Variants in GRAMD1B observed in about 807,000 individuals in gnomAD.
GRAMD1B encodes the protein GRAM domain containing 1B, also known as protein Aster-B.
A neutral mutation model predicts 99.7 loss-of-function variants in GRAMD1B; 37 were observed. The ratio of observed to expected loss-of-function variants is 0.37; its 90% CI spans 0.29 to 0.49. The LOEUF (loss-of-function observed/expected upper bound fraction) is 0.49, where lower values mean the gene tolerates loss of function less well. Ranked by LOEUF, GRAMD1B falls within the 20% of genes least tolerant of loss-of-function variation. GRAMD1B has a pLI of 0.98. For synonymous variants in GRAMD1B, 427 were observed against 387.6 expected (o/e 1.10, Z -1.19); for missense variants, 888 against 1,009.2 (o/e 0.88, Z 1.63).
At chr11:123,398,907 A>G (rs1947560043) in intron 1 of GRAMD1B, among the ~76,000 whole-genome samples, 1 of 152,046 alleles carries the variant, frequency 6.6e-6, no homozygotes, top group South Asian at 2.1e-4. Context: ...CCTCCCACCC[A>G]CTTTTATTAT....
chr11:123,559,543 A>G, intron 2 of GRAMD1B: 1 of 240,358 alleles, frequency 4.2e-6, no homozygotes, highest in Non-Finnish European at 6.7e-6. Context: ...TCGTTGCTGA[A>G]TAGAATACCT....
At chr11:123,388,843 C>T (rs961607553) in intron 1 of GRAMD1B, among the ~76,000 whole-genome samples, 8 of 152,210 alleles carry the variant, frequency 5.3e-5, no homozygotes, top group African/African-American at 1.9e-4. Context: ...CTTGGACTTC[C>T]TGGCCTCCGG....
chr11:123,600,592 C>T (rs1951826738), intron 8 of GRAMD1B, 44 bp downstream of exon 8: 1 of 1,228,936 alleles, frequency 8.1e-7, no homozygotes, highest in Non-Finnish European at 1.2e-6. Flanking sequence ...CTGGCTATCT[C>T]TAGAGAAGCC....
intron 2 of GRAMD1B, among the ~76,000 whole-genome samples, chr11:123,488,226 G>A (rs909136613): frequency 3.3e-5 from 5 of 152,144 alleles, no homozygotes; most frequent in African/African-American, 7.2e-5. Flanking sequence ...TTGCACTGGA[G>A]GTTAGGATTT....
chr11:123,526,069 T>C, intron 2 of GRAMD1B: 1 of 1,251,116 alleles, frequency 8.0e-7, no homozygotes, highest in Non-Finnish European at 1.2e-6. Context: ...CTTCGTCATC[T>C]TTTCCAATAT....
At chr11:123,472,845 T>C (rs948688518) in intron 1 of GRAMD1B, among the ~76,000 whole-genome samples, 2 of 152,206 alleles carry the variant, frequency 1.3e-5, no homozygotes, top group African/African-American at 4.8e-5. Flanking sequence ...GAAGGGAAGA[T>C]GGAGCCACCA....
At chr11:123,576,993 A>C (rs1370259743) in intron 2 of GRAMD1B, among the ~76,000 whole-genome samples, 2 of 152,276 alleles carry the variant, frequency 1.3e-5, no homozygotes, top group African/African-American at 4.8e-5. Flanking sequence ...AAATGAGCTG[A>C]TTGTATTGGA....
intron 4 of GRAMD1B, among the ~76,000 whole-genome samples, chr11:123,590,310 G>A (rs964238215): frequency 6.6e-6 from 1 of 152,178 alleles, no homozygotes; most frequent in Non-Finnish European, 1.5e-5. Flanking sequence ...GGAAGTTGGC[G>A]GATGGATGGG....
chr11:123,440,226 C>T (rs1001854887), intron 1 of GRAMD1B, among the ~76,000 whole-genome samples: 7 of 152,166 alleles, frequency 4.6e-5, no homozygotes, highest in East Asian at 1.9e-4. Flanking sequence ...TAAAAGTCAA[C>T]GCGGCCAGAT....
At chr11:123,532,637 C>G (rs1444725252) in intron 2 of GRAMD1B, among the ~76,000 whole-genome samples, 1 of 152,202 alleles carries the variant, frequency 6.6e-6, no homozygotes, top group Admixed American at 6.5e-5. Flanking sequence ...TTTGACACAC[C>G]ATAGCCAACA....
chr11:123,549,607 T>C (rs1256042815), intron 2 of GRAMD1B, among the ~76,000 whole-genome samples: 6 of 152,118 alleles, frequency 3.9e-5, no homozygotes, highest in African/African-American at 1.2e-4. Context: ...CTAAGTCATC[T>C]TAGACCAACT....
chr11:123,606,902 G>C, intron 11 of GRAMD1B, 104 bp downstream of exon 11: 1 of 837,174 alleles, frequency 1.2e-6, no homozygotes, highest in Non-Finnish European at 1.9e-6. Flanking sequence ...TCCTGGTGGA[G>C]AGATGGGAGC....
chr11:123,448,245 T>A (rs1396942681), intron 1 of GRAMD1B, among the ~76,000 whole-genome samples: 1 of 150,834 alleles, frequency 6.6e-6, no homozygotes, highest in Non-Finnish European at 1.5e-5. Context: ...ACCCTCCCCC[T>A]TGTACTATTT....
intron 1 of GRAMD1B, among the ~76,000 whole-genome samples, chr11:123,373,185 CT>C (rs1384735992): frequency 6.6e-6 from 1 of 151,962 alleles, no homozygotes; most frequent in African/African-American, 2.4e-5. Flanking sequence ...TAATTGAGAG[CT>C]TTTTTTACCC....
chr11:123,611,289 G>A (rs1048654009), intron 14 of GRAMD1B, among the ~76,000 whole-genome samples: 9 of 151,986 alleles, frequency 5.9e-5, no homozygotes, highest in East Asian at 1.9e-4. Context: ...ATAAAAGTTC[G>A]CCAGGAGTGG....
At position 123,530,243 on chromosome 11, in the gene GRAMD1B, G is replaced by T. The variant is rs528511338; in HGVS notation, c.453-47124G>T. Among the ~76,000 whole-genome samples, 3 of 151,328 alleles carry T rather than the reference G, an allele frequency of 2.0e-5. No individual in the cohort carries two copies. The South Asian group carries it at 6.3e-4, about 32-fold the overall frequency. ...TCTCCATATTTCATGACCATTAATG[G>T]TCAACAATATTTTATTTGATAGTAA... On this transcript the variant is annotated intron_variant, in intron 2 of 19. Coordinates refer to ENST00000635736, the MANE Select transcript of GRAMD1B (RefSeq NM_001387025.1).
chr11:123,450,661 C>T (rs781304499), intron 1 of GRAMD1B, among the ~76,000 whole-genome samples: 5 of 152,076 alleles, frequency 3.3e-5, no homozygotes, highest in Non-Finnish European at 5.9e-5. Flanking sequence ...GATATGGGAG[C>T]GGGGAGGAGC....
At chr11:123,366,708 G>A (rs1266300849) in intron 1 of GRAMD1B, among the ~76,000 whole-genome samples, 1 of 152,200 alleles carries the variant, frequency 6.6e-6, no homozygotes, top group Non-Finnish European at 1.5e-5. Context: ...GGAAAGAAGT[G>A]CGTTGATGGA....
intron 9 of GRAMD1B, among the ~76,000 whole-genome samples, chr11:123,605,022 C>A (rs2136826753): frequency 6.7e-6 from 1 of 149,474 alleles, no homozygotes; most frequent in Middle Eastern, 3.4e-3. Flanking sequence ...AAAAAAATAG[C>A]TTAAGACAAA....
Sources: allele counts gnomAD v4.1 joint callset (sites outside exome capture counted in the v4.1 genomes callset), GRCh38; gene constraint gnomAD v4.1.1; transcripts MANE v1.5; gene names NCBI Gene and HGNC (gene_info 2026-07-23, HGNC 2026-07-21).